Variants in POLDIP2 observed in about 807,000 individuals in gnomAD.
POLDIP2 encodes DNA polymerase delta interacting protein 2.
POLDIP2 carries 32 observed loss-of-function variants against 52.9 expected under a neutral mutation model. That is an observed-to-expected ratio of 0.61 (90% CI 0.46 to 0.81). POLDIP2 has a LOEUF of 0.81. POLDIP2 is among the 40% of genes least tolerant of loss of function. The probability of loss-of-function intolerance (pLI) is 0.00; values close to 1 mark genes in which losing one functional copy is unlikely to be tolerated. For missense variants in POLDIP2, 371 were observed against 477.3 expected, an observed-to-expected ratio of 0.78 and a Z score of 2.07; for synonymous variants, 183 against 183.0, an observed-to-expected ratio of 1.00 and a Z score of 0.00.
At chr17:28,355,732 TCTGA>T (rs1907997185) in intron 2 of POLDIP2, 59 bp downstream of exon 2, 2 of 1,242,202 alleles carry the variant, frequency 1.6e-6, no homozygotes, top group Middle Eastern at 1.9e-4. Context: ...TGTGACCTAA[TCTGA>T]CTTTTTTCAG....
chr17:28,347,241 T>C lies in POLDIP2; in HGVS notation c.*876A>G, dbSNP rs560223771. The C allele has an allele frequency of 1.3e-5, 2 of 152,326 alleles. No individual in the cohort carries two copies. The highest frequency in any genetic ancestry group is 3.8e-4 in the East Asian group (2 of 5,196). 9.4% of individuals were successfully genotyped at this position (152,326 alleles called of 1,614,324 possible). On this transcript the variant is annotated 3_prime_UTR_variant, in exon 11 of 11. Transcript: ENST00000540200. ...AAACTACCTCTAACAATCACTGCAG[T>C]GGCGGAGGAAAAGAAATCCTAAGAA...
Position 28,353,034 on chromosome 17 carries a change from C to T in POLDIP2, c.515-15G>A. On this transcript the variant is annotated splice_polypyrimidine_tract_variant and intron_variant, in intron 5 of 10. Coordinates refer to ENST00000540200, the MANE Select transcript of POLDIP2 (RefSeq NM_015584.5). ...ATAGTCCAAGCCTGGCACAGAGATG[C>T]AAAAGACAGTGGTGAAACTCACAGG... The T allele has an allele frequency of 1.1e-6, 1 of 896,598 alleles. No homozygotes were observed. Among genetic ancestry groups the T allele is most frequent in the South Asian group, 1.3e-5 (1 of 76,226 alleles). 55.5% of individuals were successfully genotyped at this position (896,598 alleles called of 1,614,324 possible).
intron 6 of POLDIP2, among the ~76,000 whole-genome samples, chr17:28,352,403 A>G (rs1463396426): frequency 6.6e-6 from 1 of 151,482 alleles, no homozygotes; most frequent in African/African-American, 2.4e-5. Context: ...ACACCCAGCT[A>G]ATTTTTATAT....
At chr17:28,351,501 T>G (rs1485687826) in intron 7 of POLDIP2, among the ~76,000 whole-genome samples, 163 bp downstream of exon 7, 1 of 152,160 alleles carries the variant, frequency 6.6e-6, no homozygotes, top group Non-Finnish European at 1.5e-5. Flanking sequence ...TGTCAGCCAC[T>G]GTCTAGAGGC....
At chr17:28,348,643 C>T (rs1283760966) in intron 10 of POLDIP2, among the ~76,000 whole-genome samples, 2 of 152,114 alleles carry the variant, frequency 1.3e-5, no homozygotes, top group Admixed American at 1.3e-4. Context: ...ACCTGGGAGG[C>T]GGAGGTTGCA....
At position 28,350,751 on chromosome 17, in the gene POLDIP2, G is replaced by A. The variant is rs1555579825; in HGVS notation, c.786+15C>T. On this transcript the variant is annotated intron_variant, in intron 8 of 10. Coordinates refer to ENST00000540200, the MANE Select transcript of POLDIP2 (RefSeq NM_015584.5). The stretch of plus-strand genomic sequence containing the variant: ...CACCCCACAAGCTCCCCTTCTCCCA[G>A]ACAGTGACACTCACCCAGTACACGT... 7 of 1,596,802 alleles carry A rather than the reference G, an allele frequency of 4.4e-6. No individual in the cohort carries two copies. The highest frequency in any genetic ancestry group is 6.0e-6 in the Non-Finnish European group (7 of 1,171,496).
intron 1 of POLDIP2, among the ~76,000 whole-genome samples, chr17:28,356,541 T>G (rs889289281): frequency 3.9e-5 from 6 of 152,308 alleles, no homozygotes; most frequent in Middle Eastern, 3.4e-3. Flanking sequence ...CACATCGCTC[T>G]CTCAATACCG....
At chr17:28,355,969 G>T (rs1908011657) in intron 1 of POLDIP2, 93 bp from the exon 2 acceptor site, 2 of 899,278 alleles carry the variant, frequency 2.2e-6, no homozygotes, top group Admixed American at 2.0e-5. Context: ...TGAGGGGCCA[G>T]GGCGATGACA....
In POLDIP2 at chr17:28,357,336, G is replaced by A; in HGVS notation, c.113C>T (p.Ala38Val). 6 of 1,576,674 alleles carry A rather than the reference G, an allele frequency of 3.8e-6. No individual in the cohort carries two copies. Among genetic ancestry groups the A allele is most frequent in the Non-Finnish European group, 5.1e-6 (6 of 1,171,652 alleles). ...CGTCGTGGTCGACGCTGGCGAGAAGGCTCCAGCTCCGGCCGCCGCACAGAG... is the reference window on the plus strand; with the variant it reads ...CGTCGTGGTCGACGCTGGCGAGAAGACTCCAGCTCCGGCCGCCGCACAGAG... ...RPLCAAAGAG[A>V]FSPASTTTTR... Residue 38 changes from alanine (A) to valine (V), a missense_variant, in exon 1 of 11, where the codon GCC becomes GTC. Ala to Val is a moderately conservative substitution (Grantham distance 64). Coordinates refer to ENST00000540200, the MANE Select transcript of POLDIP2 (RefSeq NM_015584.5).
chr17:28,357,522 C>T lies in POLDIP2; in HGVS notation c.-74G>A. ...GCCGGGCGGCGTTCCGCCCCAGTCC[C>T]ACACTGCCCCGCGCGGCGTCCCGGC... is the stretch of plus-strand genomic sequence containing the variant. On this transcript the variant is annotated 5_prime_UTR_variant, in exon 1 of 11. Transcript: ENST00000540200. 4 of 1,469,672 alleles carry T rather than the reference C, an allele frequency of 2.7e-6. No homozygotes were observed. In the South Asian group the frequency reaches 5.4e-5, roughly 20 times the overall value. The allele number at this position is 1,469,672 out of a possible 1,614,324, so 91.0% of individuals were successfully genotyped here.
chr17:28,352,932 A>G lies in POLDIP2; in HGVS notation c.602T>C (p.Leu201Pro). ...ATTACCTTTTGTCTGGTCATACAGA[A>G]GAAATCTTTCAAAGAGTTCATGTTG... ...PIQHELFERF[L>P]LYDQTKAPPF... The change falls in exon 6 of 11, where the codon CTT becomes CCT. Residue 201 changes from leucine to proline, a missense_variant. By Grantham distance (98) the Leu-to-Pro change is moderately conservative. Transcript: ENST00000540200. The G allele has an allele frequency of 6.3e-7, 1 of 1,590,860 alleles. No homozygotes were observed. The highest frequency in any genetic ancestry group is 8.6e-7 in the Non-Finnish European group (1 of 1,158,744).
In POLDIP2 at chr17:28,351,687, T is replaced by C; in HGVS notation, c.736A>G (p.Ile246Val). ...ETTENIRVTV[I>V]PFYMGMREAQ... ...ACCCTCATGCCCATGTAGAAGGGGA[T>C]GACAGTGACACGTATGTTCTCAGTT... Residue 246 changes from isoleucine (I) to valine (V), a missense_variant, in exon 7 of 11, where the codon ATC (isoleucine) becomes GTC (valine). Ile to Val is a conservative substitution (Grantham distance 29). Coordinates refer to ENST00000540200, the MANE Select transcript of POLDIP2 (RefSeq NM_015584.5). 6.2e-7 allele frequency: 1 copy of C among 1,613,830 alleles called. No homozygotes were observed. The highest frequency in any genetic ancestry group is 8.5e-7 in the Non-Finnish European group (1 of 1,179,790).
intron 10 of POLDIP2, among the ~76,000 whole-genome samples, chr17:28,348,604 C>T (rs577146543): frequency 1.3e-5 from 2 of 152,200 alleles, no homozygotes; most frequent in South Asian, 2.1e-4. Flanking sequence ...CCCAGCTACT[C>T]GGGAGGCTGA....
At chr17:28,354,384 T>G in intron 3 of POLDIP2, 104 bp downstream of exon 3, 1 of 797,606 alleles carries the variant, frequency 1.3e-6, no homozygotes, top group South Asian at 1.5e-5. Flanking sequence ...TGGGGATGTT[T>G]CCAAGGCCTA....
At chr17:28,350,666 G>C in intron 8 of POLDIP2, 100 bp downstream of exon 8, 1 of 1,554,806 alleles carries the variant, frequency 6.4e-7, no homozygotes, top group Non-Finnish European at 8.8e-7. Flanking sequence ...CACATGCACT[G>C]CACAGGTTCC....
At chr17:28,349,413 A>AG (rs1488280064) in intron 9 of POLDIP2, among the ~76,000 whole-genome samples, 1 of 150,814 alleles carries the variant, frequency 6.6e-6, no homozygotes, top group African/African-American at 2.4e-5. Flanking sequence ...CACTGGGCAA[A>AG]GGACCTCCTC....
At position 28,357,406 on chromosome 17, in the gene POLDIP2, G is replaced by A. The variant is rs749329603; in HGVS notation, c.43C>T (p.Arg15Cys). Residue 15 changes from arginine to cysteine, a missense_variant, in exon 1 of 11, where the codon CGC (arginine) becomes TGC (cysteine). Coordinates refer to ENST00000540200, the MANE Select transcript of POLDIP2 (RefSeq NM_015584.5). ...CCAGTCAGCGACCGGGACCACCAGC[G>A]GCTGCCCACGGCCAGGGCCCGCCGG... ...TARRALAVGS[R>C]WWSRSLTGAR... 97 of 1,512,404 alleles carry A rather than the reference G, an allele frequency of 6.4e-5. No individual in the cohort carries two copies. The highest frequency in any genetic ancestry group is 7.1e-5 in the Non-Finnish European group (81 of 1,139,808). The allele number at this position is 1,512,404 out of a possible 1,614,324, so 93.7% of individuals were successfully genotyped here.
At chr17:28,352,805 C>T in intron 6 of POLDIP2, 107 bp downstream of exon 6, 1 of 686,004 alleles carries the variant, frequency 1.5e-6, no homozygotes, top group East Asian at 2.8e-5. Flanking sequence ...TCCCAAAGTG[C>T]TGGGATTACA....
At position 28,347,563 on chromosome 17, in the gene POLDIP2, T is replaced by A. The variant is rs1907625984; in HGVS notation, c.*554A>T. On this transcript the variant is annotated 3_prime_UTR_variant, in exon 11 of 11. Transcript: ENST00000540200. ...CTGACACTGGCCTCCCTCTCTGCATTTGGCAGAAGGTAAAGTGAACAAGAG... is the reference window on the plus strand; with the variant it reads ...CTGACACTGGCCTCCCTCTCTGCATATGGCAGAAGGTAAAGTGAACAAGAG... 6.5e-6 allele frequency: 1 copy of A among 153,276 alleles called. No homozygotes were observed. The highest frequency in any genetic ancestry group is 1.9e-4 in the East Asian group (1 of 5,200). The allele number at this position is 153,276 out of a possible 1,614,324, so 9.5% of individuals were successfully genotyped here.
Sources: gnomAD v4.1 joint callset for allele counts (sites outside exome capture counted in the v4.1 genomes callset) on GRCh38, gnomAD v4.1.1 for gene constraint, MANE v1.5 for transcripts, NCBI Gene and HGNC (gene_info 2026-07-23, HGNC 2026-07-21) for gene names.